The following TECRL variants were observed in gnomAD, a reference collection of about 807,000 sequenced individuals.
TECRL encodes the protein trans-2,3-enoyl-CoA reductase-like.
In TECRL, 63 loss-of-function variants were observed where a neutral mutation model predicts 52.8. That is an observed-to-expected ratio of 1.19 (90% CI 0.97 to 1.47). The LOEUF is 1.47. Among genes scored for constraint, TECRL ranks in the 40% most tolerant of loss-of-function variants. The probability of loss-of-function intolerance (pLI) is 0.00; values close to 1 mark genes in which losing one functional copy is unlikely to be tolerated. For missense variants in TECRL, 482 were observed against 429.6 expected (o/e 1.12, Z -1.08); for synonymous variants, 164 against 141.9 (o/e 1.16, Z -1.10).
At chr4:64,351,795 A>G (rs1276720788) in intron 2 of TECRL, among the ~76,000 whole-genome samples, 3 of 152,222 alleles carry the variant, frequency 2.0e-5, no homozygotes, top group Admixed American at 6.5e-5. Context: ...CTAATTGCAT[A>G]GTAAATGGTA....
chr4:64,340,215 A>G (rs1719455122), intron 2 of TECRL, among the ~76,000 whole-genome samples: 1 of 152,138 alleles, frequency 6.6e-6, no homozygotes. Flanking sequence ...TAGGGGCAGG[A>G]GTTCCCTGGG....
At chr4:64,338,380 T>C (rs1719285051) in intron 2 of TECRL, among the ~76,000 whole-genome samples, 2 of 152,072 alleles carry the variant, frequency 1.3e-5, no homozygotes, top group African/African-American at 4.8e-5. Flanking sequence ...GGGCAAAGAC[T>C]TCATCTCTAA....
At chr4:64,291,010 C>T (rs928725848) in intron 8 of TECRL, among the ~76,000 whole-genome samples, 1 of 151,972 alleles carries the variant, frequency 6.6e-6, no homozygotes, top group African/African-American at 2.4e-5. Context: ...TCAGGTAATA[C>T]TTTTTAAGTT....
chr4:64,391,665 T>A lies in TECRL; in HGVS notation c.235-16442A>T, dbSNP rs146927695. Among the ~76,000 whole-genome samples, 1,460 of 152,002 alleles carry A rather than the reference T, an allele frequency of 9.6e-3. 25 individuals are homozygous for A. Among genetic ancestry groups the A allele is most frequent in the African/African-American group, 0.033 (1,374 of 41,542 alleles). On this transcript the variant is annotated intron_variant, in intron 1 of 11. Transcript: ENST00000381210. ...CAATATTATTGACTAGAGATCCTAG[T>A]ATATAGTAGGTACATTCATTGAAGA...
In TECRL at chr4:64,278,873, G is replaced by C. The variant is rs1722679034; in HGVS notation, c.*1199C>G. 1 of 151,980 alleles carries C rather than the reference G, an allele frequency of 6.6e-6. No homozygotes were observed. Among genetic ancestry groups the C allele is most frequent in the Non-Finnish European group, 1.5e-5 (1 of 67,994 alleles). 9.4% of individuals were successfully genotyped at this position (151,980 alleles called of 1,614,324 possible). ...AATAACATGCAATGTTTAACTTTCT[G>C]TTCCTGGCTTGTTTCACTTAACATA... On this transcript the variant is annotated 3_prime_UTR_variant, in exon 12 of 12. Coordinates refer to ENST00000381210, the MANE Select transcript of TECRL (RefSeq NM_001010874.5).
At chr4:64,389,076 A>T (rs1401996464) in intron 1 of TECRL, among the ~76,000 whole-genome samples, 9 of 151,884 alleles carry the variant, frequency 5.9e-5, no homozygotes. Flanking sequence ...ATCTTCAAAG[A>T]CTTTTAATTT....
intron 4 of TECRL, among the ~76,000 whole-genome samples, chr4:64,321,392 T>C (rs1221510258): frequency 6.6e-6 from 1 of 152,052 alleles, no homozygotes; most frequent in Non-Finnish European, 1.5e-5. Flanking sequence ...TGATTGTTAA[T>C]TGTGGCAAAA....
chr4:64,284,092 G>C (rs564527749), intron 9 of TECRL, among the ~76,000 whole-genome samples: 11 of 152,032 alleles, frequency 7.2e-5, no homozygotes, highest in Non-Finnish European at 2.9e-5. Context: ...ATCTGAGGGT[G>C]TTTGAAAAGA....
At chr4:64,351,823 G>A (rs1158546348) in intron 2 of TECRL, among the ~76,000 whole-genome samples, 1 of 152,082 alleles carries the variant, frequency 6.6e-6, no homozygotes, top group Non-Finnish European at 1.5e-5. Flanking sequence ...TTTATGGAGG[G>A]CATTTGTGAA....
At chr4:64,340,734 C>T (rs142653636) in intron 2 of TECRL, among the ~76,000 whole-genome samples, 1 of 152,302 alleles carries the variant, frequency 6.6e-6, no homozygotes, top group African/African-American at 2.4e-5. Flanking sequence ...GAGGCCTCAT[C>T]TTCAGGCCGT....
At chr4:64,387,490 G>A (rs1301137387) in intron 1 of TECRL, among the ~76,000 whole-genome samples, 1 of 152,082 alleles carries the variant, frequency 6.6e-6, no homozygotes, top group East Asian at 1.9e-4. Flanking sequence ...CCATCAAATT[G>A]CCTTCCAAAT....
chr4:64,389,445 G>C (rs1577979630), intron 1 of TECRL, among the ~76,000 whole-genome samples: 1 of 152,026 alleles, frequency 6.6e-6, no homozygotes, highest in East Asian at 1.9e-4. Context: ...GTTGGACTAG[G>C]CTTGCACAAG....
intron 4 of TECRL, among the ~76,000 whole-genome samples, chr4:64,315,449 T>A (rs1400035465): frequency 2.0e-5 from 3 of 152,134 alleles, no homozygotes; most frequent in African/African-American, 7.2e-5. Flanking sequence ...ATTTGATAGC[T>A]GTTTGATTTT....
rs1724259157 is a variant in TECRL, at chr4:64,305,210, G to C, written c.686C>G (p.Ser229Cys). Residue 229 changes from serine to cysteine, a missense_variant, in exon 7 of 12, where the codon TCT (serine) becomes TGT (cysteine). Transcript: ENST00000381210. ...ATGATTAATGTAGTAGGCAATCCAAGAAGTAAATCCCCAGTAAAAGGCACA... is the reference window on the plus strand; with the variant it reads ...ATGATTAATGTAGTAGGCAATCCAACAAGTAAATCCCCAGTAAAAGGCACA... Reference protein sequence around the residue: ...MSCAFYWGFTSWIAYYINHPL... With the variant: ...MSCAFYWGFTCWIAYYINHPL... 3.7e-6 allele frequency: 6 copies of C among 1,612,596 alleles called. No individual in the cohort carries two copies. The highest frequency in any genetic ancestry group is 4.2e-6 in the Non-Finnish European group (5 of 1,179,144).
At position 64,286,384 on chromosome 4, in the gene TECRL, T is replaced by G. The variant is rs556727699; in HGVS notation, c.832+3326A>C. 2.6e-5 allele frequency among the ~76,000 whole-genome samples: 4 copies of G among 151,888 alleles called. No homozygotes were observed. In the East Asian group the frequency reaches 5.8e-4, roughly 22 times the overall value. On this transcript the variant is annotated intron_variant, in intron 9 of 11. Coordinates refer to ENST00000381210, the MANE Select transcript of TECRL (RefSeq NM_001010874.5). ...GAGGATATTAAGCAGATAAAAAGAATAGCCAAAAAAGGGACAAAGATAGTC... is the reference window on the plus strand; with the variant it reads ...GAGGATATTAAGCAGATAAAAAGAAGAGCCAAAAAAGGGACAAAGATAGTC...
At position 64,307,730 on chromosome 4, in the gene TECRL, A is replaced by G. The variant is rs561172210; in HGVS notation, c.657+2096T>C. On this transcript the variant is annotated intron_variant, in intron 6 of 11. Coordinates refer to ENST00000381210, the MANE Select transcript of TECRL (RefSeq NM_001010874.5). ...GCCTTCCAGAATTTAACCCATGTAT[A>G]TAAAGTGTTCTAAAAGGATGATATG... Among the ~76,000 whole-genome samples, 3 of 152,290 alleles carry G rather than the reference A, an allele frequency of 2.0e-5. No homozygotes were observed. In the South Asian group the frequency reaches 6.2e-4, roughly 32 times the overall value.
At chr4:64,338,586 G>GA (rs955540268) in intron 2 of TECRL, among the ~76,000 whole-genome samples, 1 of 151,924 alleles carries the variant, frequency 6.6e-6, no homozygotes, top group Non-Finnish European at 1.5e-5. Flanking sequence ...AAATTTACAT[G>GA]AAAAAAACAA....
chr4:64,301,784 CCTTATT>C (rs1464591066), intron 7 of TECRL, among the ~76,000 whole-genome samples: 1 of 150,802 alleles, frequency 6.6e-6, no homozygotes, highest in East Asian at 1.9e-4. Context: ...TAAACATATG[CCTTATT>C]CTTATTTTTA....
Position 64,279,702 on chromosome 4 carries a change from T to C in TECRL, c.*370A>G. On this transcript the variant is annotated 3_prime_UTR_variant, in exon 12 of 12. Transcript: ENST00000381210. ...AAAATATACTTATTGACCATGTATA[T>C]GTCTTCCTTTGGGAAATGTCTGTTC... 3.9e-6 allele frequency: 3 copies of C among 771,156 alleles called. No homozygotes were observed. Among genetic ancestry groups the C allele is most frequent in the Non-Finnish European group, 4.7e-6 (3 of 634,326 alleles). 47.8% of individuals were successfully genotyped at this position (771,156 alleles called of 1,614,324 possible).
Sources: allele counts gnomAD v4.1 joint callset (sites outside exome capture counted in the v4.1 genomes callset), GRCh38; gene constraint gnomAD v4.1.1; transcripts MANE v1.5; gene names NCBI Gene and HGNC (gene_info 2026-07-23, HGNC 2026-07-21).